TNRC6B: variants seen among roughly 807,000 people sequenced by gnomAD.
TNRC6B encodes the protein trinucleotide repeat containing adaptor 6B, also known as trinucleotide repeat-containing gene 6B protein.
In TNRC6B, 52 loss-of-function variants were observed where a neutral mutation model predicts 203.6. That is an observed-to-expected ratio of 0.26 (90% CI 0.20 to 0.32). TNRC6B has a LOEUF of 0.32. Among genes scored for constraint, TNRC6B ranks in the 10% least tolerant of loss-of-function variants. The pLI, the probability that TNRC6B is intolerant of heterozygous loss-of-function variation, is 1.00. For missense variants in TNRC6B, 1,923 were observed against 2,286.2 expected, an observed-to-expected ratio of 0.84 and a Z score of 3.24; for synonymous variants, 838 against 845.7, an observed-to-expected ratio of 0.99 and a Z score of 0.16.
chr22:40,227,991 C>T (rs998086652), intron 1 of TNRC6B, among the ~76,000 whole-genome samples: 1 of 152,186 alleles, frequency 6.6e-6, no homozygotes, highest in African/African-American at 2.4e-5. Flanking sequence ...CTTTCCAAGG[C>T]CATAGCTAAG....
At chr22:40,101,107 C>T (rs1008658704) in intron 1 of TNRC6B, among the ~76,000 whole-genome samples, 7 of 152,054 alleles carry the variant, frequency 4.6e-5, no homozygotes, top group African/African-American at 1.2e-4. Context: ...ATTCTCCTGC[C>T]TCAACCTCCC....
intron 3 of TNRC6B, 45 bp downstream of exon 3, chr22:40,251,245 T>C: frequency 6.8e-7 from 1 of 1,460,052 alleles, no homozygotes; most frequent in Non-Finnish European, 9.2e-7. Flanking sequence ...ACCTTTTGTG[T>C]TTAGCTTTTA....
intron 11 of TNRC6B, among the ~76,000 whole-genome samples, chr22:40,284,028 C>G (rs1034132570): frequency 2.6e-5 from 4 of 152,180 alleles, no homozygotes; most frequent in Non-Finnish European, 5.9e-5. Flanking sequence ...ATAAATGTTT[C>G]CTGTTTTCTT....
At chr22:40,143,108 CT>C (rs1304003227) in intron 3 of TNRC6B, among the ~76,000 whole-genome samples, 3 of 152,118 alleles carry the variant, frequency 2.0e-5, no homozygotes, top group Non-Finnish European at 4.4e-5. Flanking sequence ...ACATTGTAAA[CT>C]TCTGCTAAAC....
At chr22:40,104,048 C>A (rs1041075212) in intron 1 of TNRC6B, among the ~76,000 whole-genome samples, 1 of 150,378 alleles carries the variant, frequency 6.6e-6, no homozygotes, top group Admixed American at 6.6e-5. Context: ...GTCAGGAGTT[C>A]AAGACCAGCC....
intron 3 of TNRC6B, among the ~76,000 whole-genome samples, chr22:40,153,909 G>C (rs184066073): frequency 4.0e-5 from 6 of 150,488 alleles, no homozygotes; most frequent in Admixed American, 2.6e-4. Flanking sequence ...AATCATTAAA[G>C]AAAGGGAATA....
In TNRC6B at chr22:40,234,960, C is replaced by A. The variant is rs551975991; in HGVS notation, c.6-11055C>A. Among the ~76,000 whole-genome samples, 22 of 152,252 alleles carry A rather than the reference C, an allele frequency of 1.4e-4. No homozygotes were observed. The South Asian group carries it at 4.6e-3, about 32-fold the overall frequency. Reference sequence around the variant, plus strand: ...GCCTGAATGGATATGTTCCAACATGCTTTTTGTGTGTGTGCATTTTTAATT... The same window carrying A: ...GCCTGAATGGATATGTTCCAACATGATTTTTGTGTGTGTGCATTTTTAATT... On this transcript the variant is annotated intron_variant, in intron 1 of 22. Transcript: ENST00000454349.
intron 5 of TNRC6B, among the ~76,000 whole-genome samples, chr22:40,268,912 C>CAAAAA (rs1045950958): frequency 6.7e-6 from 1 of 148,922 alleles, no homozygotes; most frequent in African/African-American, 2.5e-5. Flanking sequence ...GACTCCGTCT[C>CAAAAA]AAAAAATAAT....
At chr22:40,123,014 C>CAATA (rs2068458984) in intron 2 of TNRC6B, among the ~76,000 whole-genome samples, 1 of 152,142 alleles carries the variant, frequency 6.6e-6, no homozygotes, top group African/African-American at 2.4e-5. Context: ...TCAGGTCTAG[C>CAATA]AATAGTAAGG....
intron 1 of TNRC6B, among the ~76,000 whole-genome samples, chr22:40,056,286 T>C (rs1202514393): frequency 6.6e-6 from 1 of 152,262 alleles, no homozygotes; most frequent in African/African-American, 2.4e-5. Flanking sequence ...CTGGTAGTGC[T>C]GATTACACTC....
At chr22:40,047,236 G>C (rs2067697860) in intron 1 of TNRC6B, among the ~76,000 whole-genome samples, 1 of 152,138 alleles carries the variant, frequency 6.6e-6, no homozygotes, top group Non-Finnish European at 1.5e-5. Context: ...GAGGGAGAAA[G>C]GGCACTGAAA....
In TNRC6B at chr22:40,165,187, T is replaced by C. The variant is rs2068908204; in HGVS notation, c.113+9005T>C. ...CTCACTCAAGCCTCAACCAAAAAAA[T>C]TCTTTTTGAGACAGGGTCTCTCGCT... On this transcript the variant is annotated intron_variant, in intron 4 of 23. Transcript: ENST00000301923. Among the ~76,000 whole-genome samples, 3 of 143,404 alleles carry C rather than the reference T, an allele frequency of 2.1e-5. No individual in the cohort carries two copies. In the South Asian group the frequency reaches 6.8e-4, roughly 32 times the overall value. The allele number at this position is 143,404 out of a possible 152,430, so 94.1% of individuals were successfully genotyped here.
In TNRC6B at chr22:40,323,005, T is replaced by G. The variant is rs1245414153; in HGVS notation, c.5266T>G (p.Ser1756Ala). 3 of 1,607,248 alleles carry G rather than the reference T, an allele frequency of 1.9e-6. No homozygotes were observed. The highest frequency in any genetic ancestry group is 2.5e-6 in the Non-Finnish European group (3 of 1,176,628). The change falls in exon 23 of 23, where the codon TCA becomes GCA. Residue 1756 changes from serine to alanine, a missense_variant. Physicochemically the swap from Ser to Ala is moderately conservative, Grantham distance 99. Coordinates refer to ENST00000454349, the MANE Select transcript of TNRC6B (RefSeq NM_001162501.2). ...GTCGCTGGAGACCGGCCAGAACCAG[T>G]CAGATCCCGTGGGACCTGCTCTGAA... is the stretch of plus-strand genomic sequence containing the variant. Reference protein sequence around the residue: ...WQSLETGQNQSDPVGPALNLF... With the variant: ...WQSLETGQNQADPVGPALNLF...
chr22:40,118,484 C>T (rs2068411787), intron 2 of TNRC6B, among the ~76,000 whole-genome samples: 1 of 152,144 alleles, frequency 6.6e-6, no homozygotes. Flanking sequence ...TTTTCAAAGC[C>T]ACAGCTCATT....
In TNRC6B at chr22:40,278,037, G is replaced by A; in HGVS notation, c.3255G>A (p.Leu1085=). 1 of 1,561,890 alleles carries A rather than the reference G, an allele frequency of 6.4e-7. No individual in the cohort carries two copies. The highest frequency in any genetic ancestry group is 8.7e-7 in the Non-Finnish European group (1 of 1,150,906). Residue 1085 remains leucine, a synonymous_variant, in exon 9 of 23, where the codon TTG becomes TTA. Transcript: ENST00000454349. The part of the protein sequence containing the change: ...TEDNPSSKMD[L]SVGSLSDKKF... Reference sequence around the variant, plus strand: ...ATAATCCAAGCAGCAAAATGGATTTGTCTGTAGGTGTGTATCACTCCGCTG... The same window carrying A: ...ATAATCCAAGCAGCAAAATGGATTTATCTGTAGGTGTGTATCACTCCGCTG...
intron 1 of TNRC6B, among the ~76,000 whole-genome samples, chr22:40,050,297 G>C (rs1213000048): frequency 6.6e-6 from 1 of 152,082 alleles, no homozygotes; most frequent in African/African-American, 2.4e-5. Context: ...AGGCCGGTTT[G>C]GGATTTTACT....
intron 1 of TNRC6B, among the ~76,000 whole-genome samples, chr22:40,204,774 TCTG>T (rs535812370): frequency 1.3e-5 from 2 of 152,236 alleles, no homozygotes; most frequent in African/African-American, 2.4e-5. Flanking sequence ...TTGTTCTGTC[TCTG>T]CTGCTGCTGC....
intron 1 of TNRC6B, among the ~76,000 whole-genome samples, chr22:40,088,586 G>T (rs905817730): frequency 8.6e-6 from 1 of 116,342 alleles, no homozygotes; most frequent in East Asian, 2.3e-4. Flanking sequence ...GGCTACTTTT[G>T]TGTGTGTGTG....
At chr22:40,257,670 C>A (rs936806364) in intron 3 of TNRC6B, among the ~76,000 whole-genome samples, 2 of 151,778 alleles carry the variant, frequency 1.3e-5, no homozygotes, top group Non-Finnish European at 2.9e-5. Flanking sequence ...GAGCCGAGAT[C>A]ACGCCACTGT....
Sources: allele counts gnomAD v4.1 joint callset (sites outside exome capture counted in the v4.1 genomes callset), GRCh38; gene constraint gnomAD v4.1.1; transcripts MANE v1.5; gene names NCBI Gene and HGNC (gene_info 2026-07-23, HGNC 2026-07-21).